TRAPPC8: variants seen among roughly 807,000 people sequenced by gnomAD.
TRAPPC8 encodes trafficking protein particle complex subunit 8.
In TRAPPC8, 54 loss-of-function variants were observed where a neutral mutation model predicts 174.3. The ratio of observed to expected loss-of-function variants is 0.31; its 90% confidence interval spans 0.25 to 0.39. The LOEUF (loss-of-function observed/expected upper bound fraction) is 0.39. Ranked by LOEUF, TRAPPC8 falls within the 10% of genes least tolerant of loss-of-function variation. The pLI, the probability that TRAPPC8 is intolerant of heterozygous loss-of-function variation, is 1.00. For missense variants in TRAPPC8, 1,531 were observed against 1,699.1 expected, an observed-to-expected ratio of 0.90 and a Z score of 1.74; for synonymous variants, 630 against 579.9, an observed-to-expected ratio of 1.09 and a Z score of -1.24.
intron 20 of TRAPPC8, among the ~76,000 whole-genome samples, chr18:31,856,887 C>G (rs947287032): frequency 7.0e-6 from 1 of 142,674 alleles, no homozygotes; most frequent in Non-Finnish European, 1.5e-5. Context: ...TCACGGCTCT[C>G]TGTAGTCTTG....
intron 9 of TRAPPC8, among the ~76,000 whole-genome samples, chr18:31,903,107 CGCGTGCGTGCGT>C (rs201250224): frequency 1.5e-5 from 2 of 137,528 alleles, no homozygotes; most frequent in South Asian, 4.5e-4. Context: ...TTTGATTGCG[CGCGTGCGTGCGT>C]GCGTGTGTGT....
At chr18:31,858,058 C>CT (rs34631623) in intron 19 of TRAPPC8, 76 bp from the exon 20 acceptor site, 240,013 of 964,574 alleles carry the variant, frequency 0.25, 5,225 homozygotes, top group South Asian at 0.36. Context: ...CTTTAAGACA[C>CT]TTTTTTTTTT....
chr18:31,840,937 A>G (rs949716535), intron 26 of TRAPPC8, among the ~76,000 whole-genome samples: 2 of 152,158 alleles, frequency 1.3e-5, no homozygotes, highest in African/African-American at 4.8e-5. Context: ...CAAATTTTAA[A>G]AAACACAAAC....
intron 21 of TRAPPC8, among the ~76,000 whole-genome samples, chr18:31,854,702 C>T (rs1483148996): frequency 1.3e-5 from 2 of 152,104 alleles, no homozygotes; most frequent in Non-Finnish European, 2.9e-5. Flanking sequence ...AGCACGGTGG[C>T]TCACGCCTGT....
intron 3 of TRAPPC8, 116 bp from the exon 4 acceptor site, chr18:31,916,562 T>TCAGAAA: frequency 9.1e-7 from 1 of 1,096,016 alleles, no homozygotes; most frequent in Non-Finnish European, 1.3e-6. Flanking sequence ...AGACAAAGTC[T>TCAGAAA]CACTCTGTAG....
At chr18:31,895,812 T>C (rs1427368881) in intron 11 of TRAPPC8, 2 of 152,214 alleles carry the variant, frequency 1.3e-5, no homozygotes, top group African/African-American at 4.8e-5. Flanking sequence ...GCTCTACAAA[T>C]AGTTTGTCTG....
chr18:31,936,370 G>A (rs2038098286), intron 1 of TRAPPC8, among the ~76,000 whole-genome samples: 2 of 151,932 alleles, frequency 1.3e-5, no homozygotes, highest in Admixed American at 6.6e-5. Flanking sequence ...AGGCCAATGT[G>A]GAATGATCGC....
chr18:31,860,453 T>C (rs994791888), intron 19 of TRAPPC8, among the ~76,000 whole-genome samples: 1 of 152,214 alleles, frequency 6.6e-6, no homozygotes, highest in Non-Finnish European at 1.5e-5. Flanking sequence ...CATAGTAGTA[T>C]GCAAATGACT....
chr18:31,831,850 T>C (rs1052030111), intron 28 of TRAPPC8, among the ~76,000 whole-genome samples: 4 of 152,100 alleles, frequency 2.6e-5, no homozygotes, highest in African/African-American at 9.7e-5. Context: ...GTATCTGATG[T>C]GGGACTGTGG....
intron 1 of TRAPPC8, among the ~76,000 whole-genome samples, chr18:31,932,949 G>C (rs986150909): frequency 1.5e-5 from 2 of 129,220 alleles, no homozygotes; most frequent in African/African-American, 5.9e-5. Flanking sequence ...AGTGAGCCAA[G>C]ATTGCGCCAC....
At chr18:31,892,864 A>T (rs2036014571) in intron 11 of TRAPPC8, among the ~76,000 whole-genome samples, 1 of 152,092 alleles carries the variant, frequency 6.6e-6, no homozygotes, top group Non-Finnish European at 1.5e-5. Context: ...TGTCTCTACA[A>T]AAATTAGCTG....
intron 1 of TRAPPC8, among the ~76,000 whole-genome samples, chr18:31,942,248 G>C (rs1190277985): frequency 6.6e-6 from 1 of 152,210 alleles, no homozygotes; most frequent in Non-Finnish European, 1.5e-5. Context: ...CTAAGAGGCA[G>C]CATTTTCCTA....
At chr18:31,940,899 G>A (rs1028052856) in intron 1 of TRAPPC8, among the ~76,000 whole-genome samples, 1 of 152,198 alleles carries the variant, frequency 6.6e-6, no homozygotes, top group Non-Finnish European at 1.5e-5. Context: ...GAGATAAGAT[G>A]ATTAAGAACA....
chr18:31,864,672 A>G lies in TRAPPC8; in HGVS notation c.2700T>C (p.Asp900=), dbSNP rs1245913881. The change falls in exon 19 of 29, where the codon GAT becomes GAC. Residue 900 remains aspartate (D), a synonymous_variant. Coordinates refer to ENST00000283351, the MANE Select transcript of TRAPPC8 (RefSeq NM_014939.5). ...CTGTGATTATGGGATCTAAACGTCG[A>G]TCAGGGCCATATTTAACAGATGTTT... is the stretch of plus-strand genomic sequence containing the variant. The part of the protein sequence containing the change: ...EEKTSVKYGP[D]RRLDPIITEE... 1.2e-6 allele frequency: 2 copies of G among 1,612,948 alleles called. No individual in the cohort carries two copies. Among genetic ancestry groups the G allele is most frequent in the Non-Finnish European group, 1.7e-6 (2 of 1,179,508 alleles).
intron 1 of TRAPPC8, among the ~76,000 whole-genome samples, chr18:31,940,200 G>C (rs1162913935): frequency 6.6e-6 from 1 of 152,162 alleles, no homozygotes; most frequent in Non-Finnish European, 1.5e-5. Flanking sequence ...ATTTCGGCCG[G>C]GCACGGTGGC....
At chr18:31,836,105 A>G (rs1365720040) in intron 27 of TRAPPC8, among the ~76,000 whole-genome samples, 1 of 152,190 alleles carries the variant, frequency 6.6e-6, no homozygotes, top group East Asian at 1.9e-4. Flanking sequence ...TTGTGGCAAC[A>G]ATGACTAATA....
chr18:31,920,750 G>A (rs1200881177), intron 2 of TRAPPC8, among the ~76,000 whole-genome samples: 5 of 151,818 alleles, frequency 3.3e-5, no homozygotes, highest in Admixed American at 6.6e-5. Context: ...AATCAGCCTC[G>A]ACCAACATGG....
intron 27 of TRAPPC8, among the ~76,000 whole-genome samples, chr18:31,834,017 A>AAC (rs1555652306): frequency 1.3e-5 from 2 of 151,042 alleles, no homozygotes; most frequent in African/African-American, 4.9e-5. Flanking sequence ...AAAAAAACAA[A>AAC]AAACAGAAAT....
chr18:31,839,290 G>A, intron 27 of TRAPPC8, 22 bp downstream of exon 27: 2 of 1,583,546 alleles, frequency 1.3e-6, no homozygotes, highest in Non-Finnish European at 1.7e-6. Context: ...GAAAATTTTG[G>A]TAACAAAAAT....
Sources: gnomAD v4.1 joint callset for allele counts (sites outside exome capture counted in the v4.1 genomes callset) on GRCh38, gnomAD v4.1.1 for gene constraint, MANE v1.5 for transcripts, NCBI Gene and HGNC (gene_info 2026-07-23, HGNC 2026-07-21) for gene names.